Variants in GPHN observed in about 807,000 individuals in gnomAD.
GPHN encodes gephyrin.
In GPHN, 17 loss-of-function variants were observed where a neutral mutation model predicts 95.5. The ratio of observed to expected loss-of-function variants is 0.18; its 90% CI spans 0.12 to 0.27. The LOEUF is 0.27. Ranked by LOEUF, GPHN falls within the 10% of genes least tolerant of loss-of-function variation. The pLI is 1.00. For missense variants in GPHN, 660 were observed against 978.1 expected (o/e 0.67, Z 4.34); for synonymous variants, 320 against 322.5 (o/e 0.99, Z 0.08).
At chr14:66,907,260 G>A (rs190751695) in intron 5 of GPHN, among the ~76,000 whole-genome samples, 2 of 152,222 alleles carry the variant, frequency 1.3e-5, no homozygotes, top group Admixed American at 1.3e-4. Context: ...AAGGAAATGA[G>A]CCATCAAGCA....
chr14:67,543,753 GT>G, the GPHN span, among the ~76,000 whole-genome samples: 2 of 147,668 alleles, frequency 1.4e-5, no homozygotes, highest in African/African-American at 5.0e-5. Flanking sequence ...AGAGACTTCT[GT>G]TTCTAGTAAT....
rs895361411 is a variant in GPHN, at chr14:66,798,335, A to G, written c.201+21814A>G. 2.0e-5 allele frequency among the ~76,000 whole-genome samples: 3 copies of G among 151,928 alleles called. No homozygotes were observed. In the South Asian group the frequency reaches 6.2e-4, roughly 31 times the overall value. On this transcript the variant is annotated intron_variant, in intron 3 of 22. Coordinates refer to ENST00000478722, the MANE Select transcript of GPHN (RefSeq NM_020806.5). ...ATCAGGGTAATATTAGCCTCACACA[A>G]TGAATTTAGAAGTATTCCCTCGTCT...
intron 9 of GPHN, among the ~76,000 whole-genome samples, chr14:67,005,028 T>C (rs1480672173): frequency 6.6e-6 from 1 of 151,550 alleles, no homozygotes; most frequent in Non-Finnish European, 1.5e-5. Flanking sequence ...TCAGGAAGCA[T>C]TATAGGTCAG....
the GPHN span, among the ~76,000 whole-genome samples, chr14:67,610,058 CT>C: frequency 6.6e-6 from 1 of 152,148 alleles, no homozygotes; most frequent in Non-Finnish European, 1.5e-5. Context: ...TTGTGTCCTG[CT>C]TCTCCCCAGG....
At chr14:66,936,554 G>T (rs2153569973) in intron 8 of GPHN, among the ~76,000 whole-genome samples, 1 of 152,222 alleles carries the variant, frequency 6.6e-6, no homozygotes, top group Non-Finnish European at 1.5e-5. Context: ...GGAGTAAGAA[G>T]AATATATAGA....
the GPHN span, among the ~76,000 whole-genome samples, chr14:67,632,965 C>G: frequency 1.3e-5 from 2 of 151,596 alleles, no homozygotes; most frequent in Non-Finnish European, 2.9e-5. Context: ...GGACTACAGG[C>G]GCCCGCCACC....
chr14:67,368,812 C>T, the GPHN span, among the ~76,000 whole-genome samples: 1 of 152,054 alleles, frequency 6.6e-6, no homozygotes, highest in Non-Finnish European at 1.5e-5. Flanking sequence ...CACTTGAGGT[C>T]AGTAGTTCAA....
chr14:66,681,724 T>C (rs905554639), intron 2 of GPHN, among the ~76,000 whole-genome samples: 2 of 152,330 alleles, frequency 1.3e-5, no homozygotes, highest in Non-Finnish European at 2.9e-5. Context: ...GGCATATCTT[T>C]CTAATACATA....
At chr14:67,703,247 T>C in the GPHN span, among the ~76,000 whole-genome samples, 1 of 152,250 alleles carries the variant, frequency 6.6e-6, no homozygotes, top group Non-Finnish European at 1.5e-5. Flanking sequence ...GGCTAAATTT[T>C]ATTTGTCCCA....
chr14:66,802,360 G>T (rs1043655917), intron 3 of GPHN, among the ~76,000 whole-genome samples: 7 of 152,086 alleles, frequency 4.6e-5, no homozygotes, highest in Non-Finnish European at 8.8e-5. Flanking sequence ...ACCCTTCAGG[G>T]GAGTGGTATA....
intron 13 of GPHN, among the ~76,000 whole-genome samples, chr14:67,108,206 G>C (rs1305367101): frequency 6.6e-6 from 1 of 152,120 alleles, no homozygotes; most frequent in Non-Finnish European, 1.5e-5. Context: ...CATATCTGTG[G>C]GAGAGGACTG....
Position 66,867,799 on chromosome 14 carries a change from T to C in GPHN, c.295-12140T>C, listed in dbSNP as rs2063284929. Among the ~76,000 whole-genome samples the C allele has an allele frequency of 1.3e-5, 2 of 152,224 alleles. 1 individual carries two copies. Among genetic ancestry groups the C allele is most frequent in the South Asian group, 4.1e-4 (2 of 4,832 alleles). ...TCTACAAAGTTGAACATAAAGTGAT[T>C]ATAAAGATAAGACCAAATGGTACAT... is the stretch of plus-strand genomic sequence containing the variant. On this transcript the variant is annotated intron_variant, in intron 4 of 22. Coordinates refer to ENST00000478722, the MANE Select transcript of GPHN (RefSeq NM_020806.5).
At chr14:67,234,484 A>C in the GPHN span, among the ~76,000 whole-genome samples, 1 of 152,200 alleles carries the variant, frequency 6.6e-6, no homozygotes, top group Non-Finnish European at 1.5e-5. Flanking sequence ...GGCTGAAATC[A>C]GTGACTTTAC....
the GPHN span, chr14:67,387,243 CAA>C: frequency 1.5e-6 from 2 of 1,365,350 alleles, no homozygotes; most frequent in South Asian, 2.8e-5. Context: ...ACAAAGAAGT[CAA>C]AAGTCTTAAC....
At chr14:67,451,449 A>C in the GPHN span, among the ~76,000 whole-genome samples, 1 of 152,212 alleles carries the variant, frequency 6.6e-6, no homozygotes, top group African/African-American at 2.4e-5. Context: ...AGGGCTATAC[A>C]TGCAAAGCCA....
chr14:66,533,366 C>T (rs1000369029), intron 1 of GPHN, among the ~76,000 whole-genome samples: 10 of 152,234 alleles, frequency 6.6e-5, no homozygotes, highest in African/African-American at 2.4e-4. Flanking sequence ...CATTGATTTC[C>T]AGGTTTGACT....
At chr14:66,785,787 A>G (rs897334597) in intron 3 of GPHN, among the ~76,000 whole-genome samples, 2 of 152,034 alleles carry the variant, frequency 1.3e-5, no homozygotes, top group Non-Finnish European at 2.9e-5. Flanking sequence ...GCCAGAGGAA[A>G]TTAAAAGATA....
chr14:67,682,303 C>T, the GPHN span, among the ~76,000 whole-genome samples: 1 of 152,044 alleles, frequency 6.6e-6, no homozygotes, highest in Non-Finnish European at 1.5e-5. Flanking sequence ...TCAAAAGATA[C>T]CATTAAGAAA....
chr14:66,613,580 T>C (rs934018173), intron 1 of GPHN, among the ~76,000 whole-genome samples: 3 of 152,164 alleles, frequency 2.0e-5, no homozygotes, highest in South Asian at 2.1e-4. Context: ...CTACAAATTA[T>C]TGTGAAAGAG....
Sources: allele counts gnomAD v4.1 joint callset (sites outside exome capture counted in the v4.1 genomes callset), GRCh38; gene constraint gnomAD v4.1.1; transcripts MANE v1.5; gene names NCBI Gene and HGNC (gene_info 2026-07-23, HGNC 2026-07-21).